Variants in ATG10 observed in about 807,000 individuals in gnomAD.
ATG10 encodes autophagy related 10.
ATG10 carries 30 observed loss-of-function variants against 32.1 expected under a neutral mutation model. The observed-to-expected ratio is 0.94, with a 90% confidence interval of 0.70 to 1.27. ATG10 has a LOEUF of 1.27. ATG10 is among the 50% of genes most tolerant of loss of function. The probability of loss-of-function intolerance (pLI) is 0.00; values close to 1 mark genes in which losing one functional copy is unlikely to be tolerated. For missense variants in ATG10, 233 were observed against 262.3 expected (o/e 0.89, Z 0.77); for synonymous variants, 87 against 91.5 (o/e 0.95, Z 0.28).
intron 5 of ATG10, among the ~76,000 whole-genome samples, chr5:82,244,363 C>A (rs1053777634): frequency 1.3e-5 from 2 of 152,124 alleles, no homozygotes; most frequent in Non-Finnish European, 2.9e-5. Context: ...TGGAGGTGCT[C>A]TGCCCCTCAC....
chr5:82,138,991 C>G lies in ATG10; in HGVS notation c.217-25408C>G, dbSNP rs374776324. ...CCTCAGTCTGCCAAATGCCTGCGAT[C>G]GCAGGCACGCGCCGCCACGCCTGAC... On this transcript the variant is annotated intron_variant, in intron 3 of 7. Coordinates refer to ENST00000282185, the MANE Select transcript of ATG10 (RefSeq NM_031482.5). 7.3e-5 allele frequency among the ~76,000 whole-genome samples: 11 copies of G among 150,384 alleles called. 1 individual carries two copies. Among genetic ancestry groups the G allele is most frequent in the Admixed American group, 4.0e-4 (6 of 15,154 alleles).
intron 2 of ATG10, among the ~76,000 whole-genome samples, chr5:82,049,413 G>C (rs1465255192): frequency 8.1e-6 from 1 of 124,088 alleles, no homozygotes. Flanking sequence ...GTGGGGGGAG[G>C]GGGGGAGGGA....
chr5:82,165,657 C>T (rs1247828731), intron 4 of ATG10, among the ~76,000 whole-genome samples: 1 of 152,158 alleles, frequency 6.6e-6, no homozygotes, highest in African/African-American at 2.4e-5. Context: ...CAAACTCTTG[C>T]TGTGGATTTA....
chr5:82,246,521 TAAAAAAAA>T (rs59365825), intron 5 of ATG10, among the ~76,000 whole-genome samples: 396 of 141,432 alleles, frequency 2.8e-3, no homozygotes, highest in African/African-American at 0.01. Context: ...CTTTATCTCT[TAAAAAAAA>T]AAAAAGAAAA....
chr5:82,051,648 C>T (rs1314462974), intron 2 of ATG10, among the ~76,000 whole-genome samples: 1 of 152,066 alleles, frequency 6.6e-6, no homozygotes, highest in Non-Finnish European at 1.5e-5. Flanking sequence ...GGCCAGGATC[C>T]TCTCATGCAT....
At chr5:81,981,507 G>GT (rs992156673) in intron 1 of ATG10, among the ~76,000 whole-genome samples, 4 of 152,014 alleles carry the variant, frequency 2.6e-5, no homozygotes, top group African/African-American at 9.7e-5. Flanking sequence ...GATAGTGCAT[G>GT]TTTTTTAAAA....
chr5:82,192,086 G>C (rs890113347), intron 5 of ATG10, among the ~76,000 whole-genome samples: 20 of 152,220 alleles, frequency 1.3e-4, no homozygotes, highest in African/African-American at 4.8e-4. Flanking sequence ...CTGGCATGGA[G>C]GTTGTCTACG....
intron 3 of ATG10, among the ~76,000 whole-genome samples, chr5:82,069,951 A>G (rs935530994): frequency 1.3e-5 from 2 of 152,158 alleles, no homozygotes; most frequent in Admixed American, 1.3e-4. Flanking sequence ...TGATATGGGA[A>G]CTTCAATAAT....
chr5:82,033,244 G>A (rs1319469866), intron 2 of ATG10, among the ~76,000 whole-genome samples: 2 of 151,886 alleles, frequency 1.3e-5, no homozygotes, highest in African/African-American at 4.8e-5. Context: ...ATATTTCTAG[G>A]GGAGTAGACG....
chr5:81,989,622 C>T (rs1032123347), intron 2 of ATG10, among the ~76,000 whole-genome samples: 5 of 149,530 alleles, frequency 3.3e-5, no homozygotes, highest in South Asian at 2.1e-4. Flanking sequence ...TTTTTTGAGA[C>T]GAGTCTCGCT....
intron 3 of ATG10, among the ~76,000 whole-genome samples, chr5:82,148,458 C>T (rs1767454256): frequency 6.6e-6 from 1 of 152,184 alleles, no homozygotes; most frequent in African/African-American, 2.4e-5. Context: ...ATCATGAAAT[C>T]TGAATCTCTC....
At chr5:82,112,306 A>T (rs1765645609) in intron 3 of ATG10, among the ~76,000 whole-genome samples, 2 of 151,956 alleles carry the variant, frequency 1.3e-5, no homozygotes, top group African/African-American at 4.8e-5. Context: ...TTGAATTTTT[A>T]AAAAGATAAT....
chr5:82,133,211 C>A (rs925884187), intron 3 of ATG10, among the ~76,000 whole-genome samples: 2 of 152,124 alleles, frequency 1.3e-5, no homozygotes, highest in Admixed American at 6.5e-5. Context: ...ATGATAGTTT[C>A]TTTTGCGGTG....
At chr5:82,034,470 A>G (rs2149719495) in intron 2 of ATG10, among the ~76,000 whole-genome samples, 1 of 152,300 alleles carries the variant, frequency 6.6e-6, no homozygotes, top group East Asian at 1.9e-4. Flanking sequence ...CCCTCTTAGA[A>G]TCTGGTCTCT....
At chr5:82,162,516 C>A (rs1408126892) in intron 3 of ATG10, among the ~76,000 whole-genome samples, 3 of 152,026 alleles carry the variant, frequency 2.0e-5, no homozygotes, top group Non-Finnish European at 4.4e-5. Context: ...TGCTCATATC[C>A]TTTGATACAG....
At chr5:82,028,606 T>G (rs1762658306) in intron 2 of ATG10, among the ~76,000 whole-genome samples, 2 of 152,218 alleles carry the variant, frequency 1.3e-5, no homozygotes, top group South Asian at 4.1e-4. Context: ...CTACTGCAAC[T>G]GAGGCTGCTT....
intron 5 of ATG10, among the ~76,000 whole-genome samples, chr5:82,180,828 G>A (rs1744201156): frequency 6.6e-6 from 1 of 152,042 alleles, no homozygotes; most frequent in African/African-American, 2.4e-5. Flanking sequence ...ATGCAGGCCT[G>A]TATATAGCAC....
intron 5 of ATG10, among the ~76,000 whole-genome samples, chr5:82,186,703 A>G (rs6452447): frequency 0.81 from 122,133 of 150,894 alleles, 49,714 homozygotes; most frequent in East Asian, 0.99. Context: ...AGTGATTCTT[A>G]TGCCTCAGCT....
At chr5:82,067,644 G>A (rs1472849536) in intron 3 of ATG10, among the ~76,000 whole-genome samples, 1 of 152,100 alleles carries the variant, frequency 6.6e-6, no homozygotes, top group East Asian at 1.9e-4. Context: ...AACCTAAATG[G>A]CTTCTTAAGG....
Sources: allele counts gnomAD v4.1 joint callset (sites outside exome capture counted in the v4.1 genomes callset), GRCh38; gene constraint gnomAD v4.1.1; transcripts MANE v1.5; gene names NCBI Gene and HGNC (gene_info 2026-07-23, HGNC 2026-07-21).